Variants in ACOT12 observed in about 807,000 individuals in gnomAD.
ACOT12 encodes acetyl-coenzyme A thioesterase.
ACOT12 carries 51 observed loss-of-function variants against 67.7 expected under a neutral mutation model. That is an observed-to-expected ratio of 0.75 (90% CI 0.60 to 0.95). The LOEUF (loss-of-function observed/expected upper bound fraction) is 0.95, where lower values mean the gene tolerates loss of function less well. Ranked by LOEUF, ACOT12 falls within the 40% of genes least tolerant of loss-of-function variation. The pLI is 0.00. For synonymous variants in ACOT12, 251 were observed against 244.6 expected, an observed-to-expected ratio of 1.03 and a Z score of -0.24; for missense variants, 734 against 708.1, an observed-to-expected ratio of 1.04 and a Z score of -0.41.
the ACOT12 span, among the ~76,000 whole-genome samples, chr5:81,318,031 C>G: frequency 6.6e-6 from 1 of 151,886 alleles, no homozygotes; most frequent in Non-Finnish European, 1.5e-5. Context: ...TACAGGCATG[C>G]TGCACCATGC....
At chr5:81,325,353 C>A (rs114771300), downstream of ACOT12, among the ~76,000 whole-genome samples, 8 of 152,218 alleles carry the variant, frequency 5.3e-5, no homozygotes, top group African/African-American at 1.7e-4. Context: ...TCCTAAGCAC[C>A]CTGTTAAAAT....
chr5:81,326,839 C>G (rs1034245763), downstream of ACOT12, among the ~76,000 whole-genome samples: 44 of 152,296 alleles, frequency 2.9e-4, no homozygotes, highest in African/African-American at 9.9e-4. Flanking sequence ...TAGCCTGGCA[C>G]ACTCAGCAAG....
At chr5:81,358,743 G>A (rs1488534830) in intron 5 of ACOT12, among the ~76,000 whole-genome samples, 9 of 152,096 alleles carry the variant, frequency 5.9e-5, no homozygotes, top group African/African-American at 9.7e-5. Flanking sequence ...CAGCTACTTC[G>A]GAGGCTGAGG....
At position 81,330,395 on chromosome 5, in the gene ACOT12, T is replaced by A; in HGVS notation, c.1667A>T (p.Ter556LeuextTer8). Residue 556 changes from the stop codon to leucine (L), a stop_lost, in exon 15 of 15, where the codon TAA becomes TTA. Coordinates refer to ENST00000307624, the MANE Select transcript of ACOT12 (RefSeq NM_130767.3). ...PPDDGFVSTF[*>L] ...TTACCAGTAATTGAAAGTTGACCTT[T>A]AAAATGTGCTTACAAACCCATCATC... 6.2e-7 allele frequency: 1 copy of A among 1,609,790 alleles called. No individual in the cohort carries two copies. The highest frequency in any genetic ancestry group is 8.5e-7 in the Non-Finnish European group (1 of 1,177,550).
intron 5 of ACOT12, among the ~76,000 whole-genome samples, chr5:81,355,421 G>A (rs1327268722): frequency 6.6e-6 from 1 of 152,112 alleles, no homozygotes; most frequent in Non-Finnish European, 1.5e-5. Flanking sequence ...CAACATGGAT[G>A]GAACTGAGGT....
chr5:81,332,770 A>G (rs1304957495), intron 12 of ACOT12, among the ~76,000 whole-genome samples, 165 bp from the exon 13 acceptor site: 6 of 152,184 alleles, frequency 3.9e-5, no homozygotes, highest in Non-Finnish European at 8.8e-5. Flanking sequence ...TGCCTTTAGA[A>G]GAGCTCTTTG....
the ACOT12 span, among the ~76,000 whole-genome samples, chr5:81,312,345 G>A: frequency 6.6e-6 from 1 of 152,150 alleles, no homozygotes; most frequent in South Asian, 2.1e-4. Flanking sequence ...CCCTAATTGG[G>A]ATGAGAAATT....
chr5:81,344,994 G>C lies in ACOT12; in HGVS notation c.821C>G (p.Ala274Gly), dbSNP rs368741983. Residue 274 changes from alanine (A) to glycine (G), a missense_variant, in exon 8 of 15, where the codon GCC (alanine) becomes GGC (glycine). Ala to Gly is a moderately conservative substitution (Grantham distance 60, BLOSUM62 0). Transcript: ENST00000307624. ...RVEAFDCQEW[A>G]EGRGRHINSA... ...GTTGATGTGACGCCCTCGGCCCTCG[G>C]CCCATTCCTGACAGTCAAAGGCCTC... 6.2e-6 allele frequency: 10 copies of C among 1,614,014 alleles called. No homozygotes were observed. The African/African-American group carries it at 1.3e-4, about 22-fold the overall frequency.
At chr5:81,381,991 T>C (rs1760596214) in intron 2 of ACOT12, among the ~76,000 whole-genome samples, 1 of 152,206 alleles carries the variant, frequency 6.6e-6, no homozygotes. Flanking sequence ...TTGTTAGTGA[T>C]AATATTGGTA....
In ACOT12 at chr5:81,347,014, C is replaced by G. The variant is rs566774039; in HGVS notation, c.653+760G>C. ...AGTCTTTAAAAGTATTCTAAATATT[C>G]TCTTCTTTCTTTTCCTATTTTTCAA... On this transcript the variant is annotated intron_variant, in intron 6 of 14. Transcript: ENST00000307624. 1.1e-4 allele frequency among the ~76,000 whole-genome samples: 17 copies of G among 152,168 alleles called. No individual in the cohort carries two copies. The South Asian group carries it at 3.5e-3, about 32-fold the overall frequency.
intron 12 of ACOT12, among the ~76,000 whole-genome samples, chr5:81,334,345 C>T (rs76620474): frequency 0.024 from 3,671 of 152,258 alleles, 48 homozygotes; most frequent in African/African-American, 0.043. Context: ...ACACACCCAC[C>T]GGGGCTTCAG....
rs1760938892 is a variant in ACOT12, at chr5:81,394,024, G to A, written c.91C>T (p.Leu31=). ...GCGGTGGTGTCGATCCACTTGAGCA[G>A]CTGCCCCGCGCTCAGCTCGCCGCGC... ...TARGELSAGQ[L]LKWIDTTACL... is the part of the protein sequence containing the mutation. Residue 31 remains leucine (L), a synonymous_variant, in exon 1 of 15, where the codon CTG becomes TTG. Transcript: ENST00000307624. 4.8e-6 allele frequency: 7 copies of A among 1,461,600 alleles called. 1 individual carries two copies. The South Asian group carries it at 9.5e-5, about 20-fold the overall frequency. 90.5% of individuals were successfully genotyped at this position (1,461,600 alleles called of 1,614,324 possible). A position where few individuals can be genotyped will look rare whatever the true frequency, so the allele number is the denominator to read the frequency against.
Position 81,330,856 on chromosome 5 carries a change from A to C in ACOT12, c.1476T>G (p.Cys492Trp). The C allele has an allele frequency of 6.2e-7, 1 of 1,614,076 alleles. No individual in the cohort carries two copies. The highest frequency in any genetic ancestry group is 2.2e-5 in the East Asian group (1 of 44,884). ...CAATAGCATGGATGAGAAATCCGGC[A>C]CATATGATTTCACTTCTGATGTACT... ...SPQYIRSEII[C>W]AGFLIHAIDS... Residue 492 changes from cysteine to tryptophan, a missense_variant, in exon 14 of 15, where the codon TGT (cysteine) becomes TGG (tryptophan). Cys to Trp is a radical substitution (Grantham distance 215). Transcript: ENST00000307624.
At chr5:81,354,590 C>A (rs1759651229) in intron 5 of ACOT12, among the ~76,000 whole-genome samples, 1 of 152,142 alleles carries the variant, frequency 6.6e-6, no homozygotes. Context: ...CCCCATTCCT[C>A]CAAGATAAAA....
At chr5:81,356,290 C>T (rs557225256) in intron 5 of ACOT12, among the ~76,000 whole-genome samples, 75 of 152,274 alleles carry the variant, frequency 4.9e-4, no homozygotes, top group South Asian at 1.9e-3. Context: ...CTTCCTGGGA[C>T]GCAGTTGACC....
chr5:81,355,735 G>A (rs1385796735), intron 5 of ACOT12, among the ~76,000 whole-genome samples: 3 of 152,220 alleles, frequency 2.0e-5, no homozygotes, highest in Non-Finnish European at 4.4e-5. Context: ...GCTCTCTCCA[G>A]GGTGGATGGT....
chr5:81,337,006 G>A (rs1251800991), intron 11 of ACOT12, among the ~76,000 whole-genome samples: 2 of 152,228 alleles, frequency 1.3e-5, no homozygotes, highest in African/African-American at 4.8e-5. Context: ...AGACATGACT[G>A]AGGCTGTGAG....
chr5:81,375,353 G>T (rs1303557407), intron 2 of ACOT12, among the ~76,000 whole-genome samples: 1 of 152,086 alleles, frequency 6.6e-6, no homozygotes, highest in Non-Finnish European at 1.5e-5. Context: ...ACCAAACATG[G>T]AAAGGAACAA....
chr5:81,312,633 A>G, the ACOT12 span: 1 of 1,613,680 alleles, frequency 6.2e-7, no homozygotes, highest in African/African-American at 1.3e-5. Flanking sequence ...AAAACCCAAA[A>G]CAAAAATACC....
Sources: allele counts gnomAD v4.1 joint callset (sites outside exome capture counted in the v4.1 genomes callset), GRCh38; gene constraint gnomAD v4.1.1; transcripts MANE v1.5; gene names NCBI Gene and HGNC (gene_info 2026-07-23, HGNC 2026-07-21).